Variants in MICU3 observed in about 807,000 individuals in gnomAD.
MICU3 encodes the protein mitochondrial calcium uptake 3, also known as calcium uptake protein 3, mitochondrial.
A neutral mutation model predicts 66.5 loss-of-function variants in MICU3; 62 were observed. That is an observed-to-expected ratio of 0.93 (90% CI 0.76 to 1.15). MICU3 has a LOEUF of 1.15. MICU3 is among the 50% of genes most tolerant of loss of function. The probability of loss-of-function intolerance (pLI) is 0.00; values close to 1 mark genes in which losing one functional copy is unlikely to be tolerated. For missense variants in MICU3, 779 were observed against 664.4 expected (o/e 1.17, Z -1.90); for synonymous variants, 308 against 240.7 (o/e 1.28, Z -2.59).
intron 1 of MICU3, among the ~76,000 whole-genome samples, chr8:17,060,540 G>T (rs1178137061): frequency 6.6e-6 from 1 of 152,132 alleles, no homozygotes; most frequent in Non-Finnish European, 1.5e-5. Flanking sequence ...TCGAACTCCT[G>T]ACCTCAAGTG....
Position 17,085,231 on chromosome 8 carries a change from G to T in MICU3, c.695-5G>T. 1 of 1,589,360 alleles carries T rather than the reference G, an allele frequency of 6.3e-7. No individual in the cohort carries two copies. Among genetic ancestry groups the T allele is most frequent in the African/African-American group, 1.4e-5 (1 of 73,810 alleles). ...TGTGAATACCTTCTCTGTTTTTTCT[G>T]GCAGAGCCACATGCAGGGTTCAGAA... On this transcript the variant is annotated splice_region_variant and splice_polypyrimidine_tract_variant and intron_variant, in intron 5 of 14. Transcript: ENST00000318063.
At chr8:17,057,460 G>A (rs2150595005) in intron 1 of MICU3, among the ~76,000 whole-genome samples, 1 of 152,022 alleles carries the variant, frequency 6.6e-6, no homozygotes, top group East Asian at 1.9e-4. Context: ...AATAATTCAA[G>A]GTTCAAACAG....
chr8:17,036,443 A>G (rs1340989430), intron 1 of MICU3, among the ~76,000 whole-genome samples: 2 of 152,048 alleles, frequency 1.3e-5, no homozygotes, highest in Non-Finnish European at 2.9e-5. Context: ...TTATTCTCTT[A>G]TCTGGCCCCA....
At chr8:17,093,177 A>G (rs1023546685) in intron 8 of MICU3, among the ~76,000 whole-genome samples, 1 of 151,940 alleles carries the variant, frequency 6.6e-6, no homozygotes. Flanking sequence ...CCTATTTCTC[A>G]TGTGGTCAAC....
At chr8:17,105,635 C>A in intron 11 of MICU3, 51 bp downstream of exon 11, 1 of 1,074,760 alleles carries the variant, frequency 9.3e-7, no homozygotes, top group Non-Finnish European at 1.3e-6. Flanking sequence ...GCAATACGTG[C>A]CTCTAAAACA....
At chr8:17,070,402 A>G (rs893825655) in intron 3 of MICU3, among the ~76,000 whole-genome samples, 2 of 152,144 alleles carry the variant, frequency 1.3e-5, no homozygotes, top group African/African-American at 4.8e-5. Flanking sequence ...CTATTTGTAT[A>G]AAGTCCAAAA....
chr8:17,101,608 G>T (rs1801261228), intron 9 of MICU3, among the ~76,000 whole-genome samples: 1 of 151,794 alleles, frequency 6.6e-6, no homozygotes, highest in Non-Finnish European at 1.5e-5. Flanking sequence ...TTTAAAACCT[G>T]TATAAGACAA....
chr8:17,047,909 C>A (rs1329181867), intron 1 of MICU3, among the ~76,000 whole-genome samples: 1 of 152,156 alleles, frequency 6.6e-6, no homozygotes, highest in East Asian at 1.9e-4. Context: ...GAGAGCAGTT[C>A]TTAACCATTG....
intron 8 of MICU3, among the ~76,000 whole-genome samples, chr8:17,097,573 A>C (rs1223537613): frequency 6.6e-6 from 1 of 151,746 alleles, no homozygotes; most frequent in Non-Finnish European, 1.5e-5. Context: ...TGGACTTTTA[A>C]AGATTAAGGC....
intron 9 of MICU3, 42 bp downstream of exon 9, chr8:17,098,595 C>A: frequency 8.1e-7 from 1 of 1,230,348 alleles, no homozygotes; most frequent in Non-Finnish European, 1.2e-6. Context: ...TATTTGCCAT[C>A]TTGTTAATCT....
Position 17,122,120 on chromosome 8 carries a change from G to A in MICU3, c.*1833G>A, listed in dbSNP as rs993607480. 1.3e-5 allele frequency: 2 copies of A among 151,770 alleles called. No homozygotes were observed. Among genetic ancestry groups the A allele is most frequent in the African/African-American group, 2.4e-5 (1 of 41,408 alleles). 9.4% of individuals were successfully genotyped at this position (151,770 alleles called of 1,614,324 possible). On this transcript the variant is annotated 3_prime_UTR_variant, in exon 15 of 15. Transcript: ENST00000318063. ...CATTTTCCCAAGGAAGAATAGCATTGTACATATGCAATCTTTATTTTATTC... is the reference window on the plus strand; with the variant it reads ...CATTTTCCCAAGGAAGAATAGCATTATACATATGCAATCTTTATTTTATTC...
chr8:17,131,593 T>G, the MICU3 span: 6,059 of 152,496 alleles, frequency 0.04, 209 homozygotes, highest in East Asian at 0.2. Flanking sequence ...TGGTTTGGTG[T>G]GCAGGCCCAT....
intron 1 of MICU3, among the ~76,000 whole-genome samples, chr8:17,040,730 T>G (rs572207713): frequency 1.3e-5 from 2 of 152,366 alleles, no homozygotes; most frequent in African/African-American, 4.8e-5. Context: ...TATTTTTATA[T>G]AGTGGCACAT....
Position 17,027,283 on chromosome 8 carries a change from G to T in MICU3, c.4G>T (p.Ala2Ser). 1 of 1,349,642 alleles carries T rather than the reference G, an allele frequency of 7.4e-7. No homozygotes were observed. The highest frequency in any genetic ancestry group is 9.6e-7 in the Non-Finnish European group (1 of 1,040,824). 83.6% of individuals were successfully genotyped at this position (1,349,642 alleles called of 1,614,324 possible). Residue 2 changes from alanine to serine, a missense_variant, in exon 1 of 15, where the codon GCT becomes TCT. Transcript: ENST00000318063. ...TCTGGTGTGGGCGGCCTCCGCTATG[G>T]CTGCGCTGCGAAGGCTCTTGTGGCC... M[A>S]ALRRLLWPPP...
chr8:17,075,455 T>A (rs774403317), intron 3 of MICU3, among the ~76,000 whole-genome samples: 1 of 152,092 alleles, frequency 6.6e-6, no homozygotes, highest in Non-Finnish European at 1.5e-5. Context: ...GAACCAAGGA[T>A]TTAGAGTCTG....
chr8:17,129,970 T>C, the MICU3 span, among the ~76,000 whole-genome samples: 2 of 152,006 alleles, frequency 1.3e-5, no homozygotes, highest in Non-Finnish European at 2.9e-5. Context: ...CTTTAAATGG[T>C]GGAAAGAAAA....
chr8:17,134,118 T>C, the MICU3 span: 1 of 152,172 alleles, frequency 6.6e-6, no homozygotes, highest in Non-Finnish European at 1.5e-5. Context: ...TTTGGACTGA[T>C]TGACAATTGT....
chr8:17,094,299 C>T (rs925176302), intron 8 of MICU3, among the ~76,000 whole-genome samples: 4 of 151,842 alleles, frequency 2.6e-5, no homozygotes, highest in Non-Finnish European at 2.9e-5. Flanking sequence ...ATTACATTGT[C>T]GAAAGTTATT....
At chr8:17,098,686 A>G (rs1800986390) in intron 9 of MICU3, 133 bp downstream of exon 9, 5 of 632,222 alleles carry the variant, frequency 7.9e-6, no homozygotes, top group Non-Finnish European at 1.4e-5. Context: ...AGCAAAAATT[A>G]CTATATATAA....
Sources: allele counts gnomAD v4.1 joint callset (sites outside exome capture counted in the v4.1 genomes callset), GRCh38; gene constraint gnomAD v4.1.1; transcripts MANE v1.5; gene names NCBI Gene and HGNC (gene_info 2026-07-23, HGNC 2026-07-21).